VEGFC: variants seen among roughly 807,000 people sequenced by gnomAD.
VEGFC encodes vascular endothelial growth factor C, also known as FLT4 ligand DHM.
In VEGFC, 12 loss-of-function variants were observed where a neutral mutation model predicts 46.1. The observed-to-expected ratio is 0.26, with a 90% confidence interval of 0.17 to 0.42. The LOEUF is 0.42. Ranked by LOEUF, VEGFC falls within the 10% of genes least tolerant of loss-of-function variation. The pLI, the probability that VEGFC is intolerant of heterozygous loss-of-function variation, is 1.00. For synonymous variants in VEGFC, 232 were observed against 195.5 expected (o/e 1.19, Z -1.56); for missense variants, 488 against 529.4 (o/e 0.92, Z 0.77).
intron 1 of VEGFC, among the ~76,000 whole-genome samples, chr4:176,772,214 G>A: frequency 6.6e-6 from 1 of 152,050 alleles, no homozygotes; most frequent in East Asian, 1.9e-4. Context: ...TTATTTAATT[G>A]GTCTTACACT....
chr4:176,751,722 T>C lies in VEGFC; in HGVS notation c.148-21976A>G, dbSNP rs77533676. ...CAAAAAGTTGGATAGATCAATGATATGTGTAAACGTAAAAAAAAAGCATAA... is the reference window on the plus strand; with the variant it reads ...CAAAAAGTTGGATAGATCAATGATACGTGTAAACGTAAAAAAAAAGCATAA... On this transcript the variant is annotated intron_variant, in intron 1 of 6. Coordinates refer to ENST00000618562, the MANE Select transcript of VEGFC (RefSeq NM_005429.5). 3.9e-4 allele frequency among the ~76,000 whole-genome samples: 60 copies of C among 152,006 alleles called. 1 individual carries two copies. The East Asian group carries it at 9.9e-3, about 25-fold the overall frequency.
chr4:176,777,407 T>G lies in VEGFC; in HGVS notation c.147+14758A>C, dbSNP rs149314444. 4.7e-3 allele frequency among the ~76,000 whole-genome samples: 709 copies of G among 152,312 alleles called. 7 individuals carry two copies. Among genetic ancestry groups the G allele is most frequent in the African/African-American group, 0.016 (673 of 41,570 alleles). ...GCTTCAGTCTAAGTTCTTGTCTATATTCATATACCATAACAAATGAGTCAC... is the reference window on the plus strand; with the variant it reads ...GCTTCAGTCTAAGTTCTTGTCTATAGTCATATACCATAACAAATGAGTCAC... On this transcript the variant is annotated intron_variant, in intron 1 of 6. Transcript: ENST00000618562.
At chr4:176,776,556 C>T (rs1735816232) in intron 1 of VEGFC, among the ~76,000 whole-genome samples, 1 of 152,208 alleles carries the variant, frequency 6.6e-6, no homozygotes, top group Admixed American at 6.5e-5. Context: ...AGAAGCAGCA[C>T]AACTGTGCCC....
chr4:176,742,819 G>A (rs1239573713), intron 1 of VEGFC, among the ~76,000 whole-genome samples: 1 of 151,982 alleles, frequency 6.6e-6, no homozygotes, highest in African/African-American at 2.4e-5. Flanking sequence ...GTTGGTGTAA[G>A]TCTTGTTTAT....
intron 4 of VEGFC, among the ~76,000 whole-genome samples, chr4:176,704,050 T>A (rs1464302584): frequency 6.6e-6 from 1 of 152,150 alleles, no homozygotes; most frequent in Admixed American, 6.6e-5. Context: ...ACAGAGTAAG[T>A]CCCAGTTATT....
At chr4:176,760,246 T>C (rs1735506313) in intron 1 of VEGFC, among the ~76,000 whole-genome samples, 1 of 152,172 alleles carries the variant, frequency 6.6e-6, no homozygotes, top group Non-Finnish European at 1.5e-5. Context: ...TATTTATGCT[T>C]TTTAGAAATT....
At chr4:176,702,322 T>G (rs1003122966) in intron 4 of VEGFC, among the ~76,000 whole-genome samples, 2 of 71,936 alleles carry the variant, frequency 2.8e-5, no homozygotes, top group African/African-American at 5.2e-5. Flanking sequence ...CAGGCTAGAT[T>G]TATCCATTTT....
intron 4 of VEGFC, among the ~76,000 whole-genome samples, chr4:176,709,033 C>T (rs865968466): frequency 6.6e-5 from 10 of 152,172 alleles, no homozygotes; most frequent in South Asian, 2.1e-4. Context: ...TACTCTAAGA[C>T]TCAGGCTCTT....
chr4:176,684,157 G>T (rs2110958586), intron 6 of VEGFC, 117 bp from the exon 7 acceptor site: 1 of 774,530 alleles, frequency 1.3e-6, no homozygotes, highest in Non-Finnish European at 2.1e-6. Flanking sequence ...CTAATTTTAT[G>T]ACGAAATTGT....
chr4:176,733,498 C>T (rs1735001328), intron 1 of VEGFC, among the ~76,000 whole-genome samples: 1 of 151,826 alleles, frequency 6.6e-6, no homozygotes, highest in African/African-American at 2.4e-5. Flanking sequence ...TAAAGCAAGC[C>T]AGATTCAAAA....
chr4:176,719,058 A>G (rs1021450812), intron 3 of VEGFC, among the ~76,000 whole-genome samples: 1 of 152,180 alleles, frequency 6.6e-6, no homozygotes. Context: ...GTTTTTATCC[A>G]TTAGTATACT....
intron 4 of VEGFC, among the ~76,000 whole-genome samples, chr4:176,693,613 G>C (rs1734250972): frequency 6.8e-6 from 1 of 146,580 alleles, no homozygotes; most frequent in African/African-American, 2.7e-5. Context: ...TTCAGATTCA[G>C]GAAATACAGA....
intron 1 of VEGFC, among the ~76,000 whole-genome samples, chr4:176,753,550 T>C (rs1735374606): frequency 6.6e-6 from 1 of 152,054 alleles, no homozygotes; most frequent in African/African-American, 2.4e-5. Flanking sequence ...TTTACCAAAG[T>C]TTTAGGAAAT....
At chr4:176,776,242 G>T (rs1373419741) in intron 1 of VEGFC, among the ~76,000 whole-genome samples, 1 of 152,154 alleles carries the variant, frequency 6.6e-6, no homozygotes. Flanking sequence ...TCCATGGAAG[G>T]AAATAAGGGA....
intron 6 of VEGFC, among the ~76,000 whole-genome samples, chr4:176,684,516 A>C (rs1357014724): frequency 6.6e-6 from 1 of 152,058 alleles, no homozygotes; most frequent in East Asian, 1.9e-4. Context: ...TTGTGTCTCT[A>C]CTTGGCAGCT....
chr4:176,734,811 T>C lies in VEGFC; in HGVS notation c.148-5065A>G, dbSNP rs191975220. 1.9e-3 allele frequency among the ~76,000 whole-genome samples: 290 copies of C among 151,960 alleles called. 3 individuals carry two copies. The highest frequency in any genetic ancestry group is 6.7e-3 in the African/African-American group (277 of 41,520). ...AAAATTGAGGGTTTCAGTTATAAAA[T>C]GGCTGTGGGAAAACAATCAACAGAC... On this transcript the variant is annotated intron_variant, in intron 1 of 6. Transcript: ENST00000618562.
At chr4:176,714,175 C>T (rs1322754321) in intron 3 of VEGFC, among the ~76,000 whole-genome samples, 1 of 152,170 alleles carries the variant, frequency 6.6e-6, no homozygotes, top group African/African-American at 2.4e-5. Flanking sequence ...TGGGAGCTGG[C>T]GGGAGATGAA....
chr4:176,712,709 CATTGAAAATATTTATGGGAT>C (rs903439594), intron 3 of VEGFC, among the ~76,000 whole-genome samples: 2 of 152,100 alleles, frequency 1.3e-5, no homozygotes, highest in African/African-American at 4.8e-5. Context: ...AGCTGAAGAC[CATTGAAAATATTTATGGGAT>C]AGGATTAGCT....
chr4:176,774,366 G>A (rs4481197), intron 1 of VEGFC, among the ~76,000 whole-genome samples: 125,703 of 152,142 alleles, frequency 0.83, 53,506 homozygotes, highest in East Asian at 1. Context: ...ATAAAATAGA[G>A]AAGAATATGT....
Sources: allele counts gnomAD v4.1 joint callset (sites outside exome capture counted in the v4.1 genomes callset), GRCh38; gene constraint gnomAD v4.1.1; transcripts MANE v1.5; gene names NCBI Gene and HGNC (gene_info 2026-07-23, HGNC 2026-07-21).